IQCH: variants seen among roughly 807,000 people sequenced by gnomAD.
IQCH encodes the protein IQ motif containing H.
In IQCH, 98 loss-of-function variants were observed where a neutral mutation model predicts 117.0. The ratio of observed to expected loss-of-function variants is 0.84; its 90% CI spans 0.71 to 0.99. IQCH has a LOEUF of 0.99. Ranked by LOEUF, IQCH falls within the 50% of genes least tolerant of loss-of-function variation. The pLI is 0.00. For missense variants in IQCH, 1,102 were observed against 1,243.8 expected (o/e 0.89, Z 1.72); for synonymous variants, 412 against 448.2 (o/e 0.92, Z 1.02).
At chr15:67,330,132 C>T (rs1968602101) in intron 4 of IQCH, among the ~76,000 whole-genome samples, 1 of 152,100 alleles carries the variant, frequency 6.6e-6, no homozygotes, top group South Asian at 2.1e-4. Flanking sequence ...GGTTCCTATA[C>T]CACTGGCCAG....
rs1596412216 is a variant in IQCH, at chr15:67,454,574, T to A, written c.2506-10553T>A. 6.6e-6 allele frequency among the ~76,000 whole-genome samples: 1 copy of A among 152,304 alleles called. No homozygotes were observed. The highest frequency in any genetic ancestry group is 2.1e-4 in the South Asian group (1 of 4,826). On this transcript the variant is annotated intron_variant, in intron 16 of 20. Transcript: ENST00000335894. This position sits in a 1 kb window ranked among gnomAD's most constrained non-coding sequence, Gnocchi z 5.2. ...TTAGAAGTCACTCCCCATACCTCCT[T>A]CCTCACAGCCACTGGAAAACATTTT... is the stretch of plus-strand genomic sequence containing the variant.
chr15:67,336,593 C>G (rs551121573), intron 4 of IQCH, among the ~76,000 whole-genome samples: 1 of 152,254 alleles, frequency 6.6e-6, no homozygotes, highest in African/African-American at 2.4e-5. Flanking sequence ...CATTAACACT[C>G]TAACATTTAT....
chr15:67,273,461 C>T (rs1192400277), intron 3 of IQCH, among the ~76,000 whole-genome samples: 1 of 152,110 alleles, frequency 6.6e-6, no homozygotes, highest in African/African-American at 2.4e-5. Flanking sequence ...ATAAAAACAT[C>T]TTCTAGATAT....
chr15:67,357,036 CAGAT>C (rs1314611280), intron 6 of IQCH, among the ~76,000 whole-genome samples: 1 of 152,162 alleles, frequency 6.6e-6, no homozygotes, highest in Non-Finnish European at 1.5e-5. Context: ...TTTTATAAGA[CAGAT>C]ATTACTCTCT....
At chr15:67,289,493 G>C (rs1047445334) in intron 4 of IQCH, among the ~76,000 whole-genome samples, 1 of 152,102 alleles carries the variant, frequency 6.6e-6, no homozygotes, top group Non-Finnish European at 1.5e-5. Flanking sequence ...CAAGTATCCA[G>C]CTTGGAGACT....
At chr15:67,367,575 AAAAG>A (rs1356867576) in intron 8 of IQCH, among the ~76,000 whole-genome samples, 1 of 152,110 alleles carries the variant, frequency 6.6e-6, no homozygotes, top group Non-Finnish European at 1.5e-5. Flanking sequence ...TTTTAAAAGA[AAAAG>A]AAAAAAACAG....
chr15:67,350,191 A>T (rs761593267), intron 6 of IQCH, among the ~76,000 whole-genome samples: 70 of 152,230 alleles, frequency 4.6e-4, no homozygotes, highest in Non-Finnish European at 6.5e-4. Flanking sequence ...TTGCTCTAAA[A>T]AGGAACTAAT....
chr15:67,274,068 T>C (rs1966018736), intron 3 of IQCH, among the ~76,000 whole-genome samples: 1 of 152,234 alleles, frequency 6.6e-6, no homozygotes, highest in Admixed American at 6.5e-5. Context: ...GCTATTTGCT[T>C]CTTCTCTCTT....
Position 67,342,025 on chromosome 15 carries a change from C to G in IQCH, c.509-2038C>G, listed in dbSNP as rs1387393262. ...GTGGCTCACACCTATAATCTCAGCA[C>G]CTTGGGAGGCCAAGGCAGGAAGATT... On this transcript the variant is annotated intron_variant, in intron 5 of 20. Transcript: ENST00000335894. The surrounding 1 kb of genome is among the most constrained non-coding windows in gnomAD (Gnocchi z 4.7). 6.6e-6 allele frequency among the ~76,000 whole-genome samples: 1 copy of G among 151,944 alleles called. No homozygotes were observed. Among genetic ancestry groups the G allele is most frequent in the Non-Finnish European group, 1.5e-5 (1 of 68,006 alleles).
At chr15:67,351,710 C>T (rs1470815168) in intron 6 of IQCH, among the ~76,000 whole-genome samples, 1 of 152,188 alleles carries the variant, frequency 6.6e-6, no homozygotes, top group Non-Finnish European at 1.5e-5. Flanking sequence ...GAACTTTTAT[C>T]ATTGCACACT....
Position 67,364,489 on chromosome 15 carries a change from A to G in IQCH, c.753+4604A>G, listed in dbSNP as rs1198989120. On this transcript the variant is annotated intron_variant, in intron 8 of 20. Coordinates refer to ENST00000335894, the MANE Select transcript of IQCH (RefSeq NM_001031715.3). The surrounding 1 kb of genome is among the most constrained non-coding windows in gnomAD (Gnocchi z 4.1). ...AAAAACTACAAGGACTGTTTTTACT[A>G]CTTTTCATAGCATTGTCTAACTGAA... 2.6e-5 allele frequency among the ~76,000 whole-genome samples: 4 copies of G among 152,118 alleles called. No individual in the cohort carries two copies. The highest frequency in any genetic ancestry group is 5.9e-5 in the Non-Finnish European group (4 of 68,002).
chr15:67,475,739 GAC>G lies in IQCH; in HGVS notation c.2724_2725del (p.His908GlnfsTer16), dbSNP rs2083185714. On this transcript the variant is annotated frameshift_variant, in exon 18 of 21. Transcript: ENST00000335894. LOFTEE classifies it high-confidence loss of function. The surrounding 1 kb of genome is among the most constrained non-coding windows in gnomAD (Gnocchi z 5.7). ...TATGCAGTGATGACCACCCAGCTAA[GAC>G]ACAGCAATCTCTCACTGGTTTTCCA... 1 of 1,613,960 alleles carries G rather than the reference GAC, an allele frequency of 6.2e-7. No homozygotes were observed. The highest frequency in any genetic ancestry group is 1.3e-5 in the African/African-American group (1 of 74,924).
chr15:67,441,440 G>A (rs540008582), intron 16 of IQCH, among the ~76,000 whole-genome samples: 3 of 152,276 alleles, frequency 2.0e-5, no homozygotes, highest in Admixed American at 6.5e-5. Context: ...GCAAGGCTAA[G>A]CAAAAAGAAC....
At chr15:67,261,511 A>G (rs1192216614) in intron 2 of IQCH, 117 bp downstream of exon 2, 2 of 758,814 alleles carry the variant, frequency 2.6e-6, no homozygotes, top group Non-Finnish European at 4.2e-6. Context: ...AATTTAGGGC[A>G]GTCGTCAGCA....
rs544198298 is a variant in IQCH at position 67,456,904 on chromosome 15, T to C, written c.2506-8223T>C. ...CCATAGAAGGCAGTGTCCAAGGGGA[T>C]TGGTACAGAGATGGAAGCTCTAGTT... On this transcript the variant is annotated intron_variant, in intron 16 of 20. Transcript: ENST00000335894. This position sits in a 1 kb window ranked among gnomAD's most constrained non-coding sequence, Gnocchi z 5.1. Among the ~76,000 whole-genome samples the C allele has an allele frequency of 2.0e-5, 3 of 152,176 alleles. No individual in the cohort carries two copies. The highest frequency in any genetic ancestry group is 2.1e-4 in the South Asian group (1 of 4,822).
intron 16 of IQCH, among the ~76,000 whole-genome samples, chr15:67,434,789 T>TC (rs1234567699): frequency 1.1e-4 from 16 of 147,726 alleles, no homozygotes; most frequent in Non-Finnish European, 1.8e-4. Flanking sequence ...TCTTTTCTTT[T>TC]TTTTTTTTTT....
At position 67,478,571 on chromosome 15, in the gene IQCH, G is replaced by A. The variant is rs370375206; in HGVS notation, c.2799+2753G>A. On this transcript the variant is annotated intron_variant, in intron 18 of 20. Coordinates refer to ENST00000335894, the MANE Select transcript of IQCH (RefSeq NM_001031715.3). ...GAAGAAAAAGATAAGAGAAGAGAGA[G>A]GAGAAAATCCAGAGACTGAGAGAAT... 3.9e-5 allele frequency among the ~76,000 whole-genome samples: 6 copies of A among 152,126 alleles called. No homozygotes were observed. The East Asian group carries it at 9.7e-4, about 25-fold the overall frequency.
At chr15:67,276,265 T>C (rs1013160665) in intron 3 of IQCH, among the ~76,000 whole-genome samples, 26 of 152,208 alleles carry the variant, frequency 1.7e-4, no homozygotes, top group African/African-American at 6.0e-4. Flanking sequence ...CTTTCACTTC[T>C]GGGAAGGTGG....
At chr15:67,278,752 T>C (rs572782633) in intron 3 of IQCH, among the ~76,000 whole-genome samples, 3 of 152,354 alleles carry the variant, frequency 2.0e-5, no homozygotes, top group South Asian at 2.1e-4. Flanking sequence ...TTGTATTGAG[T>C]TATTGGTGGG....
Sources: gnomAD v4.1 joint callset for allele counts (sites outside exome capture counted in the v4.1 genomes callset) on GRCh38, gnomAD v4.1.1 for gene constraint, Gnocchi (gnomAD v3.1) non-coding constraint, MANE v1.5 for transcripts, NCBI Gene and HGNC (gene_info 2026-07-23, HGNC 2026-07-21) for gene names.